Variants in METTL25 observed in about 807,000 individuals in gnomAD.
The protein encoded by METTL25 is probable methyltransferase-like protein 25.
A neutral mutation model predicts 71.6 loss-of-function variants in METTL25; 64 were observed. The ratio of observed to expected loss-of-function variants is 0.89; its 90% CI spans 0.73 to 1.10. The LOEUF (loss-of-function observed/expected upper bound fraction) is 1.10. Ranked by LOEUF, METTL25 falls within the 50% of genes least tolerant of loss-of-function variation. METTL25 has a pLI of 0.00. For synonymous variants in METTL25, 287 were observed against 250.3 expected (o/e 1.15, Z -1.38); for missense variants, 807 against 707.0 (o/e 1.14, Z -1.60).
chr12:82,475,939 CAA>C (rs112059823), intron 9 of METTL25, among the ~76,000 whole-genome samples: 21 of 152,064 alleles, frequency 1.4e-4, no homozygotes, highest in African/African-American at 4.3e-4. Context: ...TGTTGGCACT[CAA>C]AAAGTTTCAG....
Position 82,374,798 on chromosome 12 carries a change from A to G in METTL25, c.260-12005A>G, listed in dbSNP as rs139222199. On this transcript the variant is annotated intron_variant, in intron 1 of 11. Transcript: ENST00000248306. ...AGTATTAATATATTTTTAAGTAGCT[A>G]AAAATAATGTCAGAAAAAAATATTG... is the stretch of plus-strand genomic sequence containing the variant. Among the ~76,000 whole-genome samples, 643 of 152,328 alleles carry G rather than the reference A, an allele frequency of 4.2e-3. 5 individuals are homozygous for G. Among genetic ancestry groups the G allele is most frequent in the Non-Finnish European group, 7.3e-3 (497 of 68,032 alleles).
intron 1 of METTL25, among the ~76,000 whole-genome samples, chr12:82,367,994 G>A (rs748554923): frequency 6.6e-6 from 1 of 151,984 alleles, no homozygotes; most frequent in Non-Finnish European, 1.5e-5. Flanking sequence ...TTGTCTGAAA[G>A]GTCTCCATAA....
chr12:82,463,201 T>G (rs1892005815), intron 9 of METTL25, among the ~76,000 whole-genome samples: 1 of 152,018 alleles, frequency 6.6e-6, no homozygotes, highest in African/African-American at 2.4e-5. Flanking sequence ...TTTATATTCT[T>G]TAACAAATCA....
intron 8 of METTL25, chr12:82,451,306 G>A (rs976677825): frequency 8.3e-6 from 8 of 968,084 alleles, no homozygotes; most frequent in African/African-American, 1.8e-5. Context: ...AGACAGCAGC[G>A]TGTCACCATT....
chr12:82,412,969 A>G (rs1274434221), intron 5 of METTL25, among the ~76,000 whole-genome samples: 1 of 152,048 alleles, frequency 6.6e-6, no homozygotes, highest in East Asian at 1.9e-4. Context: ...TTAAAAAATA[A>G]AGTTTTAAAA....
chr12:82,423,522 A>G (rs1470522114), intron 5 of METTL25, among the ~76,000 whole-genome samples: 1 of 152,230 alleles, frequency 6.6e-6, no homozygotes. Context: ...CAATGGCAAC[A>G]AAAGCCAAAA....
chr12:82,457,127 G>A (rs1173645277), intron 9 of METTL25, among the ~76,000 whole-genome samples: 1 of 151,932 alleles, frequency 6.6e-6, no homozygotes, highest in Non-Finnish European at 1.5e-5. Flanking sequence ...AGTAAAGCAA[G>A]AGAGAATGGT....
At chr12:82,424,448 A>G (rs1464040602) in intron 5 of METTL25, among the ~76,000 whole-genome samples, 1 of 152,108 alleles carries the variant, frequency 6.6e-6, no homozygotes, top group Non-Finnish European at 1.5e-5. Flanking sequence ...TGACGAGTTA[A>G]TGGGTGCAGC....
intron 5 of METTL25, among the ~76,000 whole-genome samples, chr12:82,418,257 CTGAGATGAGAGT>C (rs1217498402): frequency 1.3e-5 from 2 of 152,018 alleles, no homozygotes; most frequent in African/African-American, 4.8e-5. Flanking sequence ...AAAGGGCAGA[CTGAGATGAGAGT>C]TGTTCAGTTT....
At chr12:82,456,436 CTT>C (rs1406622616) in intron 8 of METTL25, among the ~76,000 whole-genome samples, 1 of 151,880 alleles carries the variant, frequency 6.6e-6, no homozygotes, top group Non-Finnish European at 1.5e-5. Context: ...ACAATGGAAA[CTT>C]TTGAAAGACC....
At chr12:82,359,389 C>G (rs551109944) in intron 1 of METTL25, among the ~76,000 whole-genome samples, 1 of 152,038 alleles carries the variant, frequency 6.6e-6, no homozygotes. Context: ...AGGTGCAGGA[C>G]GGGAGGCAAG....
intron 9 of METTL25, among the ~76,000 whole-genome samples, chr12:82,475,126 T>C (rs1444354823): frequency 6.6e-6 from 1 of 152,090 alleles, no homozygotes; most frequent in Non-Finnish European, 1.5e-5. Context: ...ATTGAAGAAA[T>C]ACGTTTTCAG....
intron 3 of METTL25, among the ~76,000 whole-genome samples, chr12:82,392,261 G>A (rs1226931347): frequency 1.0e-4 from 9 of 89,548 alleles, no homozygotes; most frequent in African/African-American, 2.3e-4. Context: ...CCCCCTCCCC[G>A]CAACCCACAA....
chr12:82,376,511 A>T (rs1883870347), intron 1 of METTL25, among the ~76,000 whole-genome samples: 1 of 152,244 alleles, frequency 6.6e-6, no homozygotes, highest in African/African-American at 2.4e-5. Context: ...AATTTAAATC[A>T]TAACAGTATT....
At chr12:82,437,422 G>A (rs926977380) in intron 7 of METTL25, among the ~76,000 whole-genome samples, 1 of 151,546 alleles carries the variant, frequency 6.6e-6, no homozygotes, top group Non-Finnish European at 1.5e-5. Context: ...ACAAGTCTGT[G>A]TTCACTAGCG....
At position 82,460,967 on chromosome 12, in the gene METTL25, C is replaced by T. The variant is rs186379493; in HGVS notation, c.1572+4147C>T. ...GACCATCCTGGCTAACACAGTGAAA[C>T]CCCATCTCTACTAAAACTACAAAAA... is the stretch of plus-strand genomic sequence containing the variant. On this transcript the variant is annotated intron_variant, in intron 9 of 11. Coordinates refer to ENST00000248306, the MANE Select transcript of METTL25 (RefSeq NM_032230.3). Among the ~76,000 whole-genome samples the T allele has an allele frequency of 1.4e-4, 22 of 152,226 alleles. No individual in the cohort carries two copies. The East Asian group carries it at 4.3e-3, about 29-fold the overall frequency.
intron 1 of METTL25, among the ~76,000 whole-genome samples, chr12:82,369,940 T>A (rs1044135686): frequency 6.6e-6 from 1 of 152,092 alleles, no homozygotes; most frequent in African/African-American, 2.4e-5. Flanking sequence ...TTACAATCCT[T>A]TACCTAGACA....
Position 82,392,074 on chromosome 12 carries a change from TTTA to T in METTL25, c.531+2155_531+2157del, listed in dbSNP as rs1245181529. 6.0e-5 allele frequency among the ~76,000 whole-genome samples: 9 copies of T among 150,102 alleles called. No homozygotes were observed. The East Asian group carries it at 1.8e-3, about 29-fold the overall frequency. On this transcript the variant is annotated intron_variant, in intron 3 of 11. Coordinates refer to ENST00000248306, the MANE Select transcript of METTL25 (RefSeq NM_032230.3). Reference sequence around the variant, plus strand: ...CAGATTTTTTGCCCATTTTTATTTTTTTATTTTTTATTTATTTATTTTTTATTT... The same window carrying T: ...CAGATTTTTTGCCCATTTTTATTTTTTTTTTTATTTATTTATTTTTTATTT...
intron 1 of METTL25, among the ~76,000 whole-genome samples, chr12:82,363,434 C>G (rs546714471): frequency 4.6e-5 from 7 of 152,226 alleles, no homozygotes; most frequent in African/African-American, 1.7e-4. Flanking sequence ...AAAAAAGGAA[C>G]TACAGAAAGG....
Sources: allele counts gnomAD v4.1 joint callset (sites outside exome capture counted in the v4.1 genomes callset), GRCh38; gene constraint gnomAD v4.1.1; transcripts MANE v1.5; gene names NCBI Gene and HGNC (gene_info 2026-07-23, HGNC 2026-07-21).